RBFOX1: variants seen among roughly 807,000 people sequenced by gnomAD.
The protein encoded by RBFOX1 is RNA binding fox-1 homolog 1, also known as RNA binding protein fox-1 homolog 1.
RBFOX1 carries 8 observed loss-of-function variants against 57.7 expected under a neutral mutation model. The observed-to-expected ratio is 0.14, with a 90% CI of 0.08 to 0.25. The LOEUF (loss-of-function observed/expected upper bound fraction) is 0.25. Among genes scored for constraint, RBFOX1 ranks in the 10% least tolerant of loss-of-function variants. RBFOX1 has a pLI of 1.00. For missense variants in RBFOX1, 611 were observed against 548.5 expected (o/e 1.11, Z -1.14); for synonymous variants, 326 against 222.4 (o/e 1.47, Z -4.15).
intron 1 of RBFOX1, among the ~76,000 whole-genome samples, chr16:6,091,928 C>T (rs2096180864): frequency 1.3e-5 from 2 of 152,278 alleles, no homozygotes; most frequent in South Asian, 2.1e-4. Context: ...CTTATTCATC[C>T]ATCTACCTCC....
At chr16:7,099,605 G>A (rs2062312092) in intron 4 of RBFOX1, among the ~76,000 whole-genome samples, 1 of 152,154 alleles carries the variant, frequency 6.6e-6, no homozygotes, top group African/African-American at 2.4e-5. Flanking sequence ...AGGAGGTCCT[G>A]AGGACACGTG....
At chr16:7,313,024 G>C (rs11861497) in intron 4 of RBFOX1, among the ~76,000 whole-genome samples, 119,598 of 151,946 alleles carry the variant, frequency 0.79, 47,174 homozygotes, top group East Asian at 0.94. Context: ...TGGATCTGTT[G>C]TAGGAGAGGC....
At position 6,386,567 on chromosome 16, in the gene RBFOX1, A is replaced by C. The variant is rs554443838; in HGVS notation, c.-64+69510A>C. On this transcript the variant is annotated intron_variant, in intron 2 of 15. Transcript: ENST00000550418. ...AAGGATAGAAAAAGCAGCAACAACC[A>C]ATAAATGGAAAAATAAATAAAGCCA... Among the ~76,000 whole-genome samples, 37 of 152,318 alleles carry C rather than the reference A, an allele frequency of 2.4e-4. No homozygotes were observed. In the South Asian group the frequency reaches 7.5e-3, roughly 31 times the overall value.
At position 5,918,445 on chromosome 16, in the gene RBFOX1, G is replaced by C. The variant is rs368439417; in HGVS notation, c.351+51110G>C. ...AGTTTTACCTTTTTCCACCAACACCGGTGTGTGTGCAACTTGACATCCCAG... is the reference window on the plus strand; with the variant it reads ...AGTTTTACCTTTTTCCACCAACACCCGTGTGTGTGCAACTTGACATCCCAG... On this transcript the variant is annotated intron_variant, in intron 4 of 19. Transcript: ENST00000641259. Among the ~76,000 whole-genome samples the C allele has an allele frequency of 6.6e-5, 10 of 152,214 alleles. No individual in the cohort carries two copies. The East Asian group carries it at 1.7e-3, about 27-fold the overall frequency.
intron 1 of RBFOX1, among the ~76,000 whole-genome samples, chr16:5,436,425 A>G (rs1161011070): frequency 7.9e-5 from 12 of 152,216 alleles, no homozygotes; most frequent in African/African-American, 1.9e-4. Flanking sequence ...CTGGTCTTCT[A>G]TTCTCTAAGC....
intron 2 of RBFOX1, among the ~76,000 whole-genome samples, chr16:6,502,732 C>A (rs1273253180): frequency 6.6e-6 from 1 of 152,154 alleles, no homozygotes; most frequent in African/African-American, 2.4e-5. Context: ...TAGGACTCAT[C>A]TCCTCTAGGG....
At chr16:6,836,976 A>G (rs956870414) in intron 3 of RBFOX1, among the ~76,000 whole-genome samples, 4 of 152,122 alleles carry the variant, frequency 2.6e-5, no homozygotes, top group Admixed American at 1.3e-4. Flanking sequence ...GGATGGGTGG[A>G]TGGATGAATG....
intron 3 of RBFOX1, among the ~76,000 whole-genome samples, chr16:6,934,897 G>A (rs886908624): frequency 6.6e-6 from 1 of 152,000 alleles, no homozygotes; most frequent in African/African-American, 2.4e-5. Flanking sequence ...ACTAGCCTAG[G>A]CAACATGGTG....
At chr16:7,709,901 G>A in intron 15 of RBFOX1, 1 of 1,068,496 alleles carries the variant, frequency 9.4e-7, no homozygotes. Context: ...TTGGCATGCA[G>A]TTTTCTGCTT....
At chr16:6,416,614 C>T (rs1175882556) in intron 2 of RBFOX1, among the ~76,000 whole-genome samples, 1 of 151,972 alleles carries the variant, frequency 6.6e-6, no homozygotes, top group African/African-American at 2.4e-5. Flanking sequence ...AATTTTATGT[C>T]CTCAGTAAGA....
At chr16:5,821,123 C>T (rs982281574) in intron 3 of RBFOX1, among the ~76,000 whole-genome samples, 2 of 152,096 alleles carry the variant, frequency 1.3e-5, no homozygotes, top group South Asian at 2.1e-4. Flanking sequence ...ACTCATTGCT[C>T]AGGCAGGACA....
rs555158289 is a variant in RBFOX1, at chr16:5,812,792, C to G, written c.319-54511C>G. Among the ~76,000 whole-genome samples, 98 of 152,264 alleles carry G rather than the reference C, an allele frequency of 6.4e-4. 1 individual carries two copies. Among genetic ancestry groups the G allele is most frequent in the African/African-American group, 2.2e-3 (90 of 41,560 alleles). On this transcript the variant is annotated intron_variant, in intron 3 of 19. Coordinates refer to the RBFOX1 transcript ENST00000641259. ...GTCTTCTAAATGTTAGACATTCTTA[C>G]AGGTATATACGGGTATATGACTGTG...
chr16:6,243,137 C>CGTGTGTGTGT (rs34797833), intron 1 of RBFOX1, among the ~76,000 whole-genome samples: 4,923 of 150,358 alleles, frequency 0.033, 184 homozygotes, highest in East Asian at 0.16. Flanking sequence ...GATATTTATA[C>CGTGTGTGTGT]GTGTGTCTGT....
chr16:6,211,601 G>A (rs1485419329), intron 1 of RBFOX1, among the ~76,000 whole-genome samples: 1 of 152,060 alleles, frequency 6.6e-6, no homozygotes, highest in African/African-American at 2.4e-5. Context: ...TTGAATAAGG[G>A]TAGCTTCAGC....
At chr16:7,269,609 A>G (rs1195053238) in intron 4 of RBFOX1, among the ~76,000 whole-genome samples, 1 of 152,194 alleles carries the variant, frequency 6.6e-6, no homozygotes, top group African/African-American at 2.4e-5. Context: ...AATTACATGT[A>G]ATGATTCCAT....
At chr16:7,680,243 T>C (rs139516252) in intron 14 of RBFOX1, among the ~76,000 whole-genome samples, 5 of 152,188 alleles carry the variant, frequency 3.3e-5, no homozygotes, top group South Asian at 2.1e-4. Flanking sequence ...TTGGTTGTTG[T>C]TGCATCTTGA....
chr16:5,700,494 A>T (rs1350594812), intron 3 of RBFOX1, among the ~76,000 whole-genome samples: 1 of 152,160 alleles, frequency 6.6e-6, no homozygotes, highest in African/African-American at 2.4e-5. Flanking sequence ...CTTTATAGGC[A>T]ATAATATTTT....
At chr16:6,878,619 G>C (rs191460308) in intron 3 of RBFOX1, among the ~76,000 whole-genome samples, 5 of 151,854 alleles carry the variant, frequency 3.3e-5, no homozygotes, top group African/African-American at 1.2e-4. Context: ...TTTTGTTTGT[G>C]TGTTGTCAAG....
chr16:5,771,114 C>G (rs967476040), intron 3 of RBFOX1, among the ~76,000 whole-genome samples: 10 of 152,284 alleles, frequency 6.6e-5, no homozygotes, highest in African/African-American at 1.4e-4. Flanking sequence ...AGTGAAAGAT[C>G]AAAATGAAAG....
Sources: allele counts gnomAD v4.1 joint callset (sites outside exome capture counted in the v4.1 genomes callset), GRCh38; gene constraint gnomAD v4.1.1; transcripts MANE v1.5; gene names NCBI Gene and HGNC (gene_info 2026-07-23, HGNC 2026-07-21).